The following FBRSL1 variants were observed in gnomAD, a reference collection of about 807,000 sequenced individuals.
FBRSL1 encodes the protein fibrosin like 1, also known as fibrosin-1-like protein.
FBRSL1 carries 51 observed loss-of-function variants against 89.6 expected under a neutral mutation model. That is an observed-to-expected ratio of 0.57 (90% CI 0.45 to 0.72). The LOEUF is 0.72. Ranked by LOEUF, FBRSL1 falls within the 30% of genes least tolerant of loss-of-function variation. The pLI is 0.00. For synonymous variants in FBRSL1, 779 were observed against 681.1 expected (o/e 1.14, Z -2.24); for missense variants, 1,618 against 1,451.8 (o/e 1.11, Z -1.86).
At chr12:132,565,217 T>C (rs1316757365) in intron 5 of FBRSL1, 1 of 152,260 alleles carries the variant, frequency 6.6e-6, no homozygotes, top group Non-Finnish European at 1.5e-5. Flanking sequence ...ACACAAGTGT[T>C]ACCAGAATGC....
intron 2 of FBRSL1, 95 bp downstream of exon 2, chr12:132,508,445 C>T: frequency 7.7e-7 from 1 of 1,291,926 alleles, no homozygotes; most frequent in Admixed American, 3.0e-5. Flanking sequence ...CCACGTGGCC[C>T]CCGGGCCTGC....
At chr12:132,509,196 G>C in intron 2 of FBRSL1, 1 of 1,247,080 alleles carries the variant, frequency 8.0e-7, no homozygotes, top group Non-Finnish European at 1.0e-6. Context: ...GCCGCTCCCA[G>C]CCAGCCACTG....
chr12:132,490,813 C>A lies in FBRSL1; in HGVS notation c.243C>A (p.Val81=). 7.1e-7 allele frequency: 1 copy of A among 1,407,272 alleles called. No individual in the cohort carries two copies. The highest frequency in any genetic ancestry group is 9.3e-7 in the Non-Finnish European group (1 of 1,075,608). The allele number at this position is 1,407,272 out of a possible 1,614,324, so 87.2% of individuals were successfully genotyped here. ...RRESSSQEEE[V]IDGFAIASFS... ...AGTCCAGCTCGCAGGAGGAGGAGGT[C>A]ATCGACGGCTTCGCCATCGCCAGCT... is the stretch of plus-strand genomic sequence containing the variant. Residue 81 remains valine (V), a synonymous_variant, in exon 1 of 19, where the codon GTC becomes GTA. Coordinates refer to ENST00000680143, the MANE Select transcript of FBRSL1 (RefSeq NM_001367871.1).
chr12:132,501,904 G>A (rs903590629), intron 1 of FBRSL1, among the ~76,000 whole-genome samples: 3 of 152,198 alleles, frequency 2.0e-5, no homozygotes, highest in Non-Finnish European at 4.4e-5. Flanking sequence ...CCCCCTTTGG[G>A]GACAGCCTCA....
chr12:132,577,059 T>C (rs550587299), intron 15 of FBRSL1, 128 bp downstream of exon 15: 464 of 1,287,410 alleles, frequency 3.6e-4, no homozygotes, highest in Middle Eastern at 3.1e-3. Context: ...TTCTTGATGC[T>C]CACCACTTAT....
intron 5 of FBRSL1, among the ~76,000 whole-genome samples, chr12:132,555,928 G>A (rs1464925050): frequency 6.6e-6 from 1 of 152,144 alleles, no homozygotes; most frequent in Non-Finnish European, 1.5e-5. Context: ...GCCGGTTGTG[G>A]CCTCGGGGTT....
chr12:132,518,025 CTGGAGTCCACTCTGACACA>C (rs1318926273), intron 2 of FBRSL1, among the ~76,000 whole-genome samples: 3 of 152,124 alleles, frequency 2.0e-5, no homozygotes, highest in African/African-American at 7.2e-5. Context: ...CACACACCTG[CTGGAGTCCACTCTGACACA>C]GCATAGCTGC....
At chr12:132,495,391 G>C (rs1354188476) in intron 1 of FBRSL1, among the ~76,000 whole-genome samples, 2 of 152,230 alleles carry the variant, frequency 1.3e-5, no homozygotes, top group Non-Finnish European at 2.9e-5. Context: ...CCACACTGTT[G>C]GTGGTGCCAG....
Position 132,581,807 on chromosome 12 carries a change from T to C in FBRSL1, c.1979T>C (p.Leu660Pro), listed in dbSNP as rs2040769751. The C allele has an allele frequency of 6.5e-7, 1 of 1,547,904 alleles. No homozygotes were observed. Among genetic ancestry groups the C allele is most frequent in the Non-Finnish European group, 8.7e-7 (1 of 1,145,712 alleles). The stretch of plus-strand genomic sequence containing the variant: ...CTGAGCAGCCACGCCTTTGGGGGCC[T>C]GGGCAGCCATGCACTGGGTGAGTGA... ...GSLSSHAFGGLGSHALAPGGS... is the reference protein window; with the variant it reads ...GSLSSHAFGGPGSHALAPGGS... Residue 660 changes from leucine (L) to proline (P), a missense_variant, in exon 17 of 19, where the codon CTG becomes CCG. By Grantham distance (98) the Leu-to-Pro change is moderately conservative. Coordinates refer to ENST00000680143, the MANE Select transcript of FBRSL1 (RefSeq NM_001367871.1).
At position 132,525,953 on chromosome 12, in the gene FBRSL1, G is replaced by A. The variant is rs192331137; in HGVS notation, c.579+130G>A. The stretch of plus-strand genomic sequence containing the variant: ...TGCCCTGCACAAGGGCGTCCAGTCC[G>A]AGTCTGGGCCCCCTGCCCGCTGCAC... On this transcript the variant is annotated intron_variant, in intron 3 of 18. Coordinates refer to ENST00000680143, the MANE Select transcript of FBRSL1 (RefSeq NM_001367871.1). 28 of 727,546 alleles carry A rather than the reference G, an allele frequency of 3.8e-5. No individual in the cohort carries two copies. In the Admixed American group the frequency reaches 4.6e-4, roughly 12 times the overall value. 45.1% of individuals were successfully genotyped at this position (727,546 alleles called of 1,614,324 possible).
chr12:132,515,946 A>G (rs2034804270), intron 2 of FBRSL1, among the ~76,000 whole-genome samples: 1 of 151,994 alleles, frequency 6.6e-6, no homozygotes, highest in African/African-American at 2.4e-5. Context: ...AACAGACAAT[A>G]GAGGAAATGA....
At chr12:132,493,282 C>G (rs193250545) in intron 1 of FBRSL1, among the ~76,000 whole-genome samples, 2 of 152,362 alleles carry the variant, frequency 1.3e-5, no homozygotes, top group African/African-American at 4.8e-5. Context: ...CCCCCACCCG[C>G]GTCTTGAGGG....
chr12:132,490,972 G>T (rs1194043415), intron 1 of FBRSL1, 111 bp downstream of exon 1: 2 of 884,556 alleles, frequency 2.3e-6, no homozygotes, highest in Non-Finnish European at 2.8e-6. Context: ...GCCGTGGGCA[G>T]CCCTGAGGGA....
At chr12:132,580,141 G>A (rs984178463) in intron 15 of FBRSL1, among the ~76,000 whole-genome samples, 2 of 152,184 alleles carry the variant, frequency 1.3e-5, no homozygotes, top group African/African-American at 4.8e-5. Context: ...AGGCTGGAGT[G>A]CAGTGGTGCG....
chr12:132,550,092 G>A (rs749917269), intron 5 of FBRSL1, among the ~76,000 whole-genome samples: 32 of 151,192 alleles, frequency 2.1e-4, no homozygotes, highest in Non-Finnish European at 4.1e-4. Context: ...GGAGAGTTTG[G>A]CATTCCTGCA....
rs552695064 is a variant in FBRSL1 at position 132,509,434 on chromosome 12, G to A, written c.489+1084G>A. The stretch of plus-strand genomic sequence containing the variant: ...CTTCTGGGCCCCGGTCAGCCCTGCC[G>A]GCCCCAGCGGCTCCTTCCATCCCCA... On this transcript the variant is annotated intron_variant, in intron 2 of 18. Coordinates refer to ENST00000680143, the MANE Select transcript of FBRSL1 (RefSeq NM_001367871.1). 45 of 1,241,028 alleles carry A rather than the reference G, an allele frequency of 3.6e-5. No individual in the cohort carries two copies. The South Asian group carries it at 1.3e-3, about 36-fold the overall frequency. The allele number at this position is 1,241,028 out of a possible 1,614,324, so 76.9% of individuals were successfully genotyped here. A position where few individuals can be genotyped will look rare whatever the true frequency, so the allele number is the denominator to read the frequency against.
chr12:132,575,260 C>T (rs937817529), intron 14 of FBRSL1, among the ~76,000 whole-genome samples: 1 of 152,236 alleles, frequency 6.6e-6, no homozygotes, highest in African/African-American at 2.4e-5. Flanking sequence ...CGGAGTCTCG[C>T]TCTGTCGCCC....
chr12:132,555,523 C>A (rs545031472), intron 5 of FBRSL1, among the ~76,000 whole-genome samples: 62 of 150,536 alleles, frequency 4.1e-4, no homozygotes, highest in Admixed American at 7.3e-4. Context: ...CCGCCCCACC[C>A]GAGCGTGAGC....
intron 5 of FBRSL1, among the ~76,000 whole-genome samples, chr12:132,549,834 G>A (rs1369046890): frequency 1.3e-5 from 2 of 152,156 alleles, no homozygotes; most frequent in African/African-American, 4.8e-5. Flanking sequence ...GCAGAGATGC[G>A]GCCCCTGCCC....
Sources: allele counts gnomAD v4.1 joint callset (sites outside exome capture counted in the v4.1 genomes callset), GRCh38; gene constraint gnomAD v4.1.1; transcripts MANE v1.5; gene names NCBI Gene and HGNC (gene_info 2026-07-23, HGNC 2026-07-21).